Variants in UBA1 observed in about 807,000 individuals in gnomAD.
UBA1 encodes the protein ubiquitin like modifier activating enzyme 1.
A neutral mutation model predicts 84.7 loss-of-function variants in UBA1; 4 were observed. That is an observed-to-expected ratio of 0.05 (90% confidence interval 0.02 to 0.11). The LOEUF is 0.11. Among genes scored for constraint, UBA1 ranks in the 10% least tolerant of loss-of-function variants. UBA1 has a pLI of 1.00. For missense variants in UBA1, 513 were observed against 902.8 expected, an observed-to-expected ratio of 0.57 and a Z score of 5.53; for synonymous variants, 364 against 362.6, an observed-to-expected ratio of 1.00 and a Z score of -0.04.
intron 22 of UBA1, 23 bp downstream of exon 22, chrX:47,212,886 G>A: frequency 1.7e-6 from 2 of 1,208,335 alleles, no homozygotes; most frequent in South Asian, 1.8e-5. Context: ...TAAATCTGAT[G>A]TTCCACCCTC....
Position 47,200,940 on chromosome X carries a change from G to C in UBA1, c.527G>C (p.Gly176Ala), listed in dbSNP as rs1936392734. ...CCCCTGGAGGACCAGCTGCGAGTGGGTGAGTTCTGTCACAACCGTGGCATC... is the reference window on the plus strand; with the variant it reads ...CCCCTGGAGGACCAGCTGCGAGTGGCTGAGTTCTGTCACAACCGTGGCATC... ...NTPLEDQLRVGEFCHNRGIKL... is the reference protein window; with the variant it reads ...NTPLEDQLRVAEFCHNRGIKL... The change falls in exon 6 of 26, where the codon GGT (glycine) becomes GCT (alanine). Residue 176 changes from glycine (G) to alanine (A), a missense_variant. Gly to Ala is a moderately conservative substitution (Grantham distance 60, BLOSUM62 0). Transcript: ENST00000335972. The C allele has an allele frequency of 8.3e-7, 1 of 1,203,438 alleles. No individual in the cohort carries two copies. The highest frequency in any genetic ancestry group is 2.2e-5 in the Admixed American group (1 of 45,167).
intron 16 of UBA1, 152 bp downstream of exon 16, chrX:47,206,596 C>A: frequency 1.8e-6 from 1 of 551,181 alleles, no homozygotes; most frequent in Middle Eastern, 3.8e-4. Flanking sequence ...TCCCACCAGG[C>A]AGCCTAGGTT....
At chrX:47,202,866 ACT>A (rs782025923) in intron 11 of UBA1, 52 bp downstream of exon 11, 8 of 1,196,389 alleles carry the variant, frequency 6.7e-6, no homozygotes, top group Non-Finnish European at 9.0e-6. Flanking sequence ...TTCCTCCATG[ACT>A]CTGTCACTTG....
At chrX:47,208,122 C>T (rs782567978) in intron 16 of UBA1, among the ~76,000 whole-genome samples, 2 of 112,521 alleles carry the variant, frequency 1.8e-5, no homozygotes, top group East Asian at 5.6e-4. Context: ...CTAATGACTG[C>T]GAACTGTCCT....
At position 47,203,190 on chromosome X, in the gene UBA1, G is replaced by A; in HGVS notation, c.1395G>A (p.Lys465=). ...VAVFGSDLQE[K]LGKQKYFLVG... ...TGTTTGGCTCAGACCTGCAAGAGAA[G>A]CTGGGCAAGCAGAAGTATTTCCTGG... Residue 465 remains lysine, a synonymous_variant, in exon 13 of 26, where the codon AAG becomes AAA. Coordinates refer to ENST00000335972, the MANE Select transcript of UBA1 (RefSeq NM_003334.4). The A allele has an allele frequency of 8.2e-7, 1 of 1,212,123 alleles. No individual in the cohort carries two copies. The highest frequency in any genetic ancestry group is 1.1e-6 in the Non-Finnish European group (1 of 895,593).
In UBA1 at chrX:47,202,412, A is replaced by G. The variant is rs1556788539; in HGVS notation, c.964A>G (p.Lys322Glu). 2 of 1,210,469 alleles carry G rather than the reference A, an allele frequency of 1.7e-6. No homozygotes were observed. The highest frequency in any genetic ancestry group is 2.2e-6 in the Non-Finnish European group (2 of 894,840). Residue 322 changes from lysine (K) to glutamate (E), a missense_variant, in exon 10 of 26, where the codon AAG (lysine) becomes GAG (glutamate). This residue lies in a region of UBA1 where 227 missense variants were observed against 339.1 expected (regional missense o/e 0.67). Transcript: ENST00000335972. ...EPDFVVTDFA[K>E]FSRPAQLHIG... ...TGACTTTGTGGTGACGGACTTCGCC[A>G]AGTTTTCTCGCCCTGCCCAGCTGCA...
At chrX:47,192,341 TC>T (rs782169725), upstream of UBA1, among the ~76,000 whole-genome samples, 2 of 111,350 alleles carry the variant, frequency 1.8e-5, no homozygotes, top group East Asian at 5.6e-4. Flanking sequence ...CTAAGCCCTT[TC>T]TACTTATTTC....
At chrX:47,195,543 G>A (rs966128369) in intron 1 of UBA1, among the ~76,000 whole-genome samples, 2 of 111,556 alleles carry the variant, frequency 1.8e-5, no homozygotes, top group East Asian at 5.7e-4. Context: ...GAGCCACCGC[G>A]CCTGGCCATG....
At chrX:47,193,592 C>T (rs190728051), upstream of UBA1, among the ~76,000 whole-genome samples, 1 of 112,758 alleles carries the variant, frequency 8.9e-6, no homozygotes, top group African/African-American at 3.2e-5. Flanking sequence ...CCTTGACAGC[C>T]TGGCTGCAAC....
intron 8 of UBA1, 40 bp downstream of exon 8, chrX:47,201,650 G>A (rs781967768): frequency 1.2e-5 from 15 of 1,200,975 alleles, no homozygotes; most frequent in Admixed American, 1.1e-4. Context: ...GGAACTAGAA[G>A]ATATGTTCCT....
chrX:47,201,474 C>T lies in UBA1; in HGVS notation c.679-4C>T. Reference sequence around the variant, plus strand: ...TTTCTGAGACTCACTCTTCCTTTAACCAGGACAACCCCGGTGTGGTTACCT... The same window carrying T: ...TTTCTGAGACTCACTCTTCCTTTAATCAGGACAACCCCGGTGTGGTTACCT... On this transcript the variant is annotated splice_region_variant and splice_polypyrimidine_tract_variant and intron_variant, in intron 7 of 25. Coordinates refer to ENST00000335972, the MANE Select transcript of UBA1 (RefSeq NM_003334.4). 8.3e-7 allele frequency: 1 copy of T among 1,211,941 alleles called. No homozygotes were observed. Among genetic ancestry groups the T allele is most frequent in the Non-Finnish European group, 1.1e-6 (1 of 895,556 alleles).
intron 1 of UBA1, among the ~76,000 whole-genome samples, chrX:47,195,456 G>A (rs1381917646): frequency 9.0e-6 from 1 of 110,697 alleles, no homozygotes; most frequent in Non-Finnish European, 1.9e-5. Context: ...TCACCATATT[G>A]CCCAGGCTGG....
chrX:47,199,441 C>T (rs1467414192), intron 4 of UBA1, 39 bp from the exon 5 acceptor site: 22 of 1,210,266 alleles, frequency 1.8e-5, no homozygotes, highest in Non-Finnish European at 2.5e-5. Flanking sequence ...CCCGGTGCCA[C>T]AGCCATTTCA....
intron 1 of UBA1, among the ~76,000 whole-genome samples, chrX:47,195,589 TCTC>T (rs1474142899): frequency 2.7e-5 from 3 of 111,025 alleles, no homozygotes; most frequent in African/African-American, 9.9e-5. Flanking sequence ...AAAACCCTCT[TCTC>T]AGCATCTACC....
In UBA1 at chrX:47,202,395, T is replaced by C. The variant is rs782387671; in HGVS notation, c.947T>C (p.Val316Ala). The stretch of plus-strand genomic sequence containing the variant: ...GCCTCACTGGCAGAACCTGACTTTG[T>C]GGTGACGGACTTCGCCAAGTTTTCT... ...LVASLAEPDF[V>A]VTDFAKFSRP... The change falls in exon 10 of 26, where the codon GTG (valine) becomes GCG (alanine). Residue 316 changes from valine (V) to alanine (A), a missense_variant. Val to Ala is a moderately conservative substitution (Grantham distance 64). Around this residue, in one of 6 missense-constraint regions of UBA1, gnomAD observed 227 missense variants for 339.1 expected, o/e 0.67. Coordinates refer to ENST00000335972, the MANE Select transcript of UBA1 (RefSeq NM_003334.4). The C allele has an allele frequency of 1.7e-6, 2 of 1,211,195 alleles. No individual in the cohort carries two copies. Among genetic ancestry groups the C allele is most frequent in the Non-Finnish European group, 2.2e-6 (2 of 895,189 alleles).
chrX:47,194,886 C>G (rs1602617990), intron 1 of UBA1, among the ~76,000 whole-genome samples: 1 of 112,055 alleles, frequency 8.9e-6, no homozygotes, highest in Non-Finnish European at 1.9e-5. Flanking sequence ...ACCTTGAACC[C>G]CCAGAGCCTT....
At chrX:47,207,992 G>A (rs782632917) in intron 16 of UBA1, among the ~76,000 whole-genome samples, 1 of 112,236 alleles carries the variant, frequency 8.9e-6, no homozygotes, top group Non-Finnish European at 1.9e-5. Flanking sequence ...CTGTTTTAGA[G>A]ACAAGGCACA....
At chrX:47,211,727 C>T (rs1040854322) in intron 20 of UBA1, among the ~76,000 whole-genome samples, 1 of 106,157 alleles carries the variant, frequency 9.4e-6, no homozygotes, top group African/African-American at 3.5e-5. Context: ...GTATATGATG[C>T]TTCTGTAGCT....
intron 17 of UBA1, 85 bp from the exon 18 acceptor site, chrX:47,209,843 T>G (rs1936849773): frequency 4.4e-6 from 5 of 1,138,803 alleles, no homozygotes; most frequent in Non-Finnish European, 4.8e-6. Flanking sequence ...GGACTAGTTT[T>G]CCATGGAGAA....
Sources: allele counts gnomAD v4.1 joint callset (sites outside exome capture counted in the v4.1 genomes callset), GRCh38; gene constraint gnomAD v4.1.1; regional missense constraint gnomAD v4.1.1; transcripts MANE v1.5; gene names NCBI Gene and HGNC (gene_info 2026-07-23, HGNC 2026-07-21).